The following PRKN variants were observed in gnomAD, a reference collection of about 807,000 sequenced individuals.
PRKN encodes the protein parkin RBR E3 ubiquitin protein ligase, also known as E3 ubiquitin-protein ligase parkin.
PRKN carries 56 observed loss-of-function variants against 59.5 expected under a neutral mutation model. The ratio of observed to expected loss-of-function variants is 0.94; its 90% CI spans 0.76 to 1.18. PRKN has a LOEUF of 1.18. Among genes scored for constraint, PRKN ranks in the 50% most tolerant of loss-of-function variants. PRKN has a pLI of 0.00. For synonymous variants in PRKN, 250 were observed against 222.1 expected, an observed-to-expected ratio of 1.13 and a Z score of -1.12; for missense variants, 657 against 596.4, an observed-to-expected ratio of 1.10 and a Z score of -1.06.
Position 162,262,659 on chromosome 6 carries a change from C to T in PRKN, c.278G>A (p.Gly93Glu). 1 of 1,613,766 alleles carries T rather than the reference C, an allele frequency of 6.2e-7. No individual in the cohort carries two copies. The highest frequency in any genetic ancestry group is 1.3e-5 in the African/African-American group (1 of 74,978). Residue 93 changes from glycine (G) to glutamate (E), a missense_variant, in exon 3 of 12, where the codon GGA becomes GAA. Transcript: ENST00000366898. The part of the protein sequence containing the change: ...TGGDDPRNAA[G>E]GCEREPQSLT... Reference sequence around the variant, plus strand: ...GCTCTGGGGCTCCCGCTCACAGCCTCCCGCCGCGTTTCTGGGGTCGTCGCC... The same window carrying T: ...GCTCTGGGGCTCCCGCTCACAGCCTTCCGCCGCGTTTCTGGGGTCGTCGCC...
chr6:161,712,023 A>G (rs1292452102), intron 7 of PRKN, among the ~76,000 whole-genome samples: 1 of 152,126 alleles, frequency 6.6e-6, no homozygotes, highest in Admixed American at 6.5e-5. Context: ...TTATCTTGTG[A>G]TCATGTGAGT....
rs367923302 is a variant in PRKN, at chr6:161,705,588, T to C, written c.871+80184A>G. ...GAAATTTCTAATGATAAACGGTAGG[T>C]CCTTGATATATAATAATTCTCTGTC... On this transcript the variant is annotated intron_variant, in intron 7 of 11. Transcript: ENST00000366898. Among the ~76,000 whole-genome samples, 12 of 152,090 alleles carry C rather than the reference T, an allele frequency of 7.9e-5. No individual in the cohort carries two copies. The East Asian group carries it at 9.6e-4, about 12-fold the overall frequency.
chr6:161,884,817 G>T (rs1050082786), intron 6 of PRKN, among the ~76,000 whole-genome samples: 8 of 151,910 alleles, frequency 5.3e-5, no homozygotes, highest in African/African-American at 1.7e-4. Context: ...TACACAAAGG[G>T]TCAGCAAACA....
rs1334110881 is a variant in PRKN at position 161,386,915 on chromosome 6, G to T, written c.1084-38C>A. On this transcript the variant is annotated intron_variant, in intron 9 of 11. Coordinates refer to ENST00000366898, the MANE Select transcript of PRKN (RefSeq NM_004562.3). The surrounding 1 kb of genome is among the most constrained non-coding windows in gnomAD (Gnocchi z 4.3). ...ACACATCCATTAATTAGGGACATTA[G>T]GTTGCATTTGGCAATAACACATTTT... 2 of 1,516,660 alleles carry T rather than the reference G, an allele frequency of 1.3e-6. No homozygotes were observed. Among genetic ancestry groups the T allele is most frequent in the East Asian group, 4.5e-5 (2 of 44,470 alleles). The allele number at this position is 1,516,660 out of a possible 1,614,324, so 94.0% of individuals were successfully genotyped here. A position where few individuals can be genotyped will look rare whatever the true frequency, so the allele number is the denominator to read the frequency against.
At chr6:161,667,903 T>C (rs923984128) in intron 7 of PRKN, among the ~76,000 whole-genome samples, 5 of 152,212 alleles carry the variant, frequency 3.3e-5, no homozygotes, top group African/African-American at 1.2e-4. Context: ...GGTTTATTTA[T>C]TTAACATTTC....
chr6:162,609,693 A>G (rs1470902530), intron 1 of PRKN, among the ~76,000 whole-genome samples: 1 of 152,214 alleles, frequency 6.6e-6, no homozygotes, highest in Admixed American at 6.5e-5. Flanking sequence ...CTTTATGAAA[A>G]TTGACTACTA....
At chr6:161,422,004 G>A (rs769145084) in intron 9 of PRKN, among the ~76,000 whole-genome samples, 7 of 151,974 alleles carry the variant, frequency 4.6e-5, no homozygotes, top group Non-Finnish European at 1.0e-4. Flanking sequence ...TAGCATTTCT[G>A]TTTAACGAGT....
Position 161,402,978 on chromosome 6 carries a change from G to A in PRKN, c.1084-16101C>T, listed in dbSNP as rs1787114697. ...ATCCATCAATTGTATTTGCAGAGAA[G>A]CTAGTTCAGAGAAAGGCCCTCCCCG... On this transcript the variant is annotated intron_variant, in intron 9 of 11. Coordinates refer to ENST00000366898, the MANE Select transcript of PRKN (RefSeq NM_004562.3). This position sits in a 1 kb window ranked among gnomAD's most constrained non-coding sequence, Gnocchi z 4.5. Among the ~76,000 whole-genome samples, 1 of 152,138 alleles carries A rather than the reference G, an allele frequency of 6.6e-6. No homozygotes were observed. Among genetic ancestry groups the A allele is most frequent in the Non-Finnish European group, 1.5e-5 (1 of 68,030 alleles).
rs1562412085 is a variant in PRKN, at chr6:161,386,124, C to A, written c.1167+670G>T. 6.6e-6 allele frequency among the ~76,000 whole-genome samples: 1 copy of A among 152,198 alleles called. No homozygotes were observed. Among genetic ancestry groups the A allele is most frequent in the Non-Finnish European group, 1.5e-5 (1 of 68,034 alleles). On this transcript the variant is annotated intron_variant, in intron 10 of 11. Transcript: ENST00000366898. This position sits in a 1 kb window ranked among gnomAD's most constrained non-coding sequence, Gnocchi z 4.3. ...TATTTGCAAAGATTTGGTGTTTAAA[C>A]CCTTGTTAACATCTACATTGGGAGA...
intron 1 of PRKN, among the ~76,000 whole-genome samples, chr6:162,709,218 A>G (rs918549591): frequency 2.6e-5 from 4 of 152,158 alleles, no homozygotes; most frequent in Non-Finnish European, 5.9e-5. Context: ...ACAATGTAAT[A>G]AAGGGCACAA....
chr6:162,307,063 C>T (rs1404420009), intron 2 of PRKN, among the ~76,000 whole-genome samples: 1 of 152,106 alleles, frequency 6.6e-6, no homozygotes, highest in Non-Finnish European at 1.5e-5. Flanking sequence ...ACATTCAGCT[C>T]CTGAGGACAT....
In PRKN at chr6:161,547,297, C is replaced by A. The variant is rs1779829850; in HGVS notation, c.1083+1557G>T. Among the ~76,000 whole-genome samples, 1 of 152,156 alleles carries A rather than the reference C, an allele frequency of 6.6e-6. No homozygotes were observed. The highest frequency in any genetic ancestry group is 2.1e-4 in the South Asian group (1 of 4,826). On this transcript the variant is annotated intron_variant, in intron 9 of 11. Transcript: ENST00000366898. The surrounding 1 kb of genome is among the most constrained non-coding windows in gnomAD (Gnocchi z 4.0). ...ATCCTCCTTTAAGTAAAGTTGCCTG[C>A]AGACTCTTTTAATCCAAAGACATTA...
intron 4 of PRKN, among the ~76,000 whole-genome samples, chr6:162,106,761 C>G (rs977168043): frequency 6.6e-6 from 1 of 152,178 alleles, no homozygotes; most frequent in African/African-American, 2.4e-5. Context: ...TGGCATATGT[C>G]TGACCTTGTC....
At chr6:162,291,961 G>GTTTTTT (rs10550090) in intron 2 of PRKN, among the ~76,000 whole-genome samples, 1 of 129,590 alleles carries the variant, frequency 7.7e-6, no homozygotes, top group Non-Finnish European at 1.6e-5. Context: ...TATTATTATT[G>GTTTTTT]TTTTTTTTTT....
chr6:162,397,377 A>T (rs1388117985), intron 2 of PRKN, among the ~76,000 whole-genome samples: 2 of 152,116 alleles, frequency 1.3e-5, no homozygotes, highest in Admixed American at 6.5e-5. Context: ...CAAATATTTA[A>T]TCCAACAATC....
At chr6:162,637,873 T>C (rs1777791354) in intron 1 of PRKN, among the ~76,000 whole-genome samples, 1 of 152,158 alleles carries the variant, frequency 6.6e-6, no homozygotes, top group African/African-American at 2.4e-5. Context: ...TTTCCAATTA[T>C]GGTTGAATAA....
chr6:162,591,898 A>G (rs1338729090), intron 1 of PRKN, among the ~76,000 whole-genome samples: 2 of 152,064 alleles, frequency 1.3e-5, no homozygotes, highest in East Asian at 3.9e-4. Flanking sequence ...GCTAGAAAAA[A>G]AAAAAAAGGC....
chr6:161,832,605 C>T (rs1183077908), intron 6 of PRKN, among the ~76,000 whole-genome samples: 2 of 120,570 alleles, frequency 1.7e-5, no homozygotes, highest in African/African-American at 6.5e-5. Flanking sequence ...GCCTGGGCAA[C>T]AGAGTGAGAT....
intron 6 of PRKN, among the ~76,000 whole-genome samples, chr6:161,799,018 T>C (rs1790970413): frequency 6.6e-6 from 1 of 152,202 alleles, no homozygotes; most frequent in Non-Finnish European, 1.5e-5. Context: ...AAACTGGGAT[T>C]TGGCCCTCAG....
Sources: gnomAD v4.1 joint callset for allele counts (sites outside exome capture counted in the v4.1 genomes callset) on GRCh38, gnomAD v4.1.1 for gene constraint, Gnocchi (gnomAD v3.1) non-coding constraint, MANE v1.5 for transcripts, NCBI Gene and HGNC (gene_info 2026-07-23, HGNC 2026-07-21) for gene names.